Variants in PDCD11 observed in about 807,000 individuals in gnomAD.
The protein encoded by PDCD11 is programmed cell death 11.
A neutral mutation model predicts 198.9 loss-of-function variants in PDCD11; 97 were observed. That is an observed-to-expected ratio of 0.49 (90% confidence interval 0.41 to 0.58). The LOEUF is 0.58. PDCD11 is among the 20% of genes least tolerant of loss of function. The pLI is 0.00. For missense variants in PDCD11, 2,102 were observed against 2,312.7 expected, an observed-to-expected ratio of 0.91 and a Z score of 1.87; for synonymous variants, 893 against 918.0, an observed-to-expected ratio of 0.97 and a Z score of 0.49.
chr10:103,429,483 C>G (rs957970064), intron 21 of PDCD11, among the ~76,000 whole-genome samples: 1 of 152,060 alleles, frequency 6.6e-6, no homozygotes, highest in African/African-American at 2.4e-5. Context: ...AGTCTGAGAT[C>G]AAGGTGTTGA....
intron 15 of PDCD11, 145 bp downstream of exon 15, chr10:103,418,779 A>G (rs1295708023): frequency 2.9e-6 from 2 of 696,766 alleles, no homozygotes; most frequent in Non-Finnish European, 4.7e-6. Context: ...TGCTATGGAA[A>G]GTAAGAGCAG....
At position 103,444,618 on chromosome 10, in the gene PDCD11, C is replaced by T. The variant is rs150527836; in HGVS notation, c.5380C>T (p.Arg1794Cys). 2.4e-5 allele frequency: 38 copies of T among 1,614,056 alleles called. No homozygotes were observed. Among genetic ancestry groups the T allele is most frequent in the Non-Finnish European group, 3.0e-5 (35 of 1,180,030 alleles). ...GAACACGCTGAGCACCTACCCAAAG[C>T]GCACAGATGTCTGGTCGGTCTATAT... ...FENTLSTYPKRTDVWSVYIDM... is the reference protein window; with the variant it reads ...FENTLSTYPKCTDVWSVYIDM... The change falls in exon 35 of 36, where the codon CGC becomes TGC. Residue 1794 changes from arginine (R) to cysteine (C), a missense_variant. Arg to Cys is a radical substitution (Grantham distance 180). Transcript: ENST00000369797.
intron 16 of PDCD11, 147 bp from the exon 17 acceptor site, chr10:103,421,201 G>A (rs1000554748): frequency 4.3e-5 from 27 of 622,790 alleles, no homozygotes; most frequent in Non-Finnish European, 6.6e-5. Context: ...TTTATGGAAG[G>A]GAAGTAGAGC....
At chr10:103,438,613 G>A in intron 26 of PDCD11, 73 bp from the exon 27 acceptor site, 1 of 1,583,388 alleles carries the variant, frequency 6.3e-7, no homozygotes, top group Non-Finnish European at 8.6e-7. Context: ...AAGTATGATG[G>A]TTGCAGGTGT....
intron 2 of PDCD11, among the ~76,000 whole-genome samples, chr10:103,399,418 C>T (rs961121222): frequency 2.0e-5 from 3 of 152,054 alleles, no homozygotes; most frequent in Non-Finnish European, 4.4e-5. Flanking sequence ...CTCTGTTACT[C>T]AGGCTGGACT....
chr10:103,404,087 C>T (rs891691640), intron 4 of PDCD11, among the ~76,000 whole-genome samples: 7 of 151,634 alleles, frequency 4.6e-5, no homozygotes, highest in African/African-American at 1.7e-4. Flanking sequence ...CTCCTGGGTT[C>T]AAGTGATTCT....
At chr10:103,442,053 G>A (rs1208695027) in intron 31 of PDCD11, 78 bp downstream of exon 31, 1 of 1,580,480 alleles carries the variant, frequency 6.3e-7, no homozygotes, top group South Asian at 1.1e-5. Context: ...CCTAGACTGG[G>A]TGTCTTCCTG....
Position 103,443,969 on chromosome 10 carries a change from G to A in PDCD11, c.5179G>A (p.Val1727Met). 3.1e-6 allele frequency: 5 copies of A among 1,614,194 alleles called. No homozygotes were observed. Among genetic ancestry groups the A allele is most frequent in the Non-Finnish European group, 4.2e-6 (5 of 1,180,038 alleles). The change falls in exon 34 of 36, where the codon GTG becomes ATG. Residue 1727 changes from valine (V) to methionine (M), a missense_variant. Physicochemically the swap from Val to Met is conservative, Grantham distance 21. Transcript: ENST00000369797. ...GAAGCGTTTCCGGCAGGAGAAAGCT[G>A]TGTGGATCAAATACGGCGCCTTCCT... ...MLKRFRQEKA[V>M]WIKYGAFLLR...
At chr10:103,418,874 G>C (rs2031267382) in intron 15 of PDCD11, among the ~76,000 whole-genome samples, 1 of 152,162 alleles carries the variant, frequency 6.6e-6, no homozygotes, top group African/African-American at 2.4e-5. Context: ...TCGGAGGCTG[G>C]AGAAGGAGGC....
At chr10:103,423,814 G>A (rs938324887) in intron 19 of PDCD11, among the ~76,000 whole-genome samples, 156 bp downstream of exon 19, 1 of 152,228 alleles carries the variant, frequency 6.6e-6, no homozygotes, top group East Asian at 1.9e-4. Flanking sequence ...TTGTCCTGGT[G>A]TGGTTCATAG....
At chr10:103,404,589 A>G (rs920898004) in intron 4 of PDCD11, among the ~76,000 whole-genome samples, 1 of 152,210 alleles carries the variant, frequency 6.6e-6, no homozygotes, top group Non-Finnish European at 1.5e-5. Flanking sequence ...ATGAGCCACC[A>G]CACCCGACCC....
At chr10:103,399,591 G>A (rs1355712963) in intron 2 of PDCD11, 1 of 152,210 alleles carries the variant, frequency 6.6e-6, no homozygotes, top group Non-Finnish European at 1.5e-5. Context: ...ACCTAGACTA[G>A]GCTGTGCTCC....
intron 8 of PDCD11, among the ~76,000 whole-genome samples, chr10:103,410,864 A>G (rs1271584267): frequency 6.6e-6 from 1 of 151,878 alleles, no homozygotes; most frequent in South Asian, 2.1e-4. Context: ...TCACAAGGTC[A>G]GGAGTTCAAA....
At chr10:103,435,049 C>A in intron 25 of PDCD11, 74 bp downstream of exon 25, 2 of 1,149,398 alleles carry the variant, frequency 1.7e-6, no homozygotes, top group Non-Finnish European at 2.3e-6. Context: ...TGTTGTAATA[C>A]ATGACTTTTT....
rs1019075928 is a variant in PDCD11, at chr10:103,405,029, T to C, written c.410T>C (p.Leu137Pro). Reference sequence around the variant, plus strand: ...CTCATTTGTGTTATGCAGGACCTACTTCACTTGCCTGAACTTTTCTCACCT... The same window carrying C: ...CTCATTTGTGTTATGCAGGACCTACCTCACTTGCCTGAACTTTTCTCACCT... The part of the protein sequence containing the change: ...VTQEQPLKDL[L>P]HLPELFSPGM... Residue 137 changes from leucine to proline, a missense_variant, in exon 5 of 36, where the codon CTT becomes CCT. Transcript: ENST00000369797. 8 of 1,613,880 alleles carry C rather than the reference T, an allele frequency of 5.0e-6. No individual in the cohort carries two copies. Among genetic ancestry groups the C allele is most frequent in the Non-Finnish European group, 5.9e-6 (7 of 1,179,856 alleles).
chr10:103,400,486 C>T lies in PDCD11; in HGVS notation c.192C>T (p.Ser64=). ...TKKLKIEKRE[S]SKSAREKFEI... ...AGTTGAAAATCGAAAAGAGAGAAAG[C>T]AGCAAGTCCGCAAGAGAGAAGTTTG... is the stretch of plus-strand genomic sequence containing the variant. The change falls in exon 3 of 36, where the codon AGC becomes AGT. Residue 64 remains serine, a synonymous_variant. Coordinates refer to ENST00000369797, the MANE Select transcript of PDCD11 (RefSeq NM_014976.2). The T allele has an allele frequency of 6.2e-7, 1 of 1,613,970 alleles. No homozygotes were observed. The highest frequency in any genetic ancestry group is 8.5e-7 in the Non-Finnish European group (1 of 1,179,942).
In PDCD11 at chr10:103,443,900, C is replaced by T. The variant is rs751655411; in HGVS notation, c.5125-15C>T. 38 of 1,613,260 alleles carry T rather than the reference C, an allele frequency of 2.4e-5. No homozygotes were observed. Among genetic ancestry groups the T allele is most frequent in the South Asian group, 6.6e-5 (6 of 90,966 alleles). The stretch of plus-strand genomic sequence containing the variant: ...GTATCACACTCTCCTCAGCGTGCCT[C>T]GTCTTTTCCCACAGGAAGCTGGTGA... On this transcript the variant is annotated splice_polypyrimidine_tract_variant and intron_variant, in intron 33 of 35. Coordinates refer to ENST00000369797, the MANE Select transcript of PDCD11 (RefSeq NM_014976.2).
intron 4 of PDCD11, 73 bp from the exon 5 acceptor site, chr10:103,404,949 G>T: frequency 6.9e-7 from 1 of 1,442,554 alleles, no homozygotes; most frequent in Non-Finnish European, 9.5e-7. Context: ...AAGTCACTGA[G>T]CCAAAGCTGG....
At chr10:103,433,445 C>T (rs1023565487) in intron 22 of PDCD11, among the ~76,000 whole-genome samples, 19 of 151,750 alleles carry the variant, frequency 1.3e-4, no homozygotes, top group African/African-American at 4.4e-4. Flanking sequence ...TGCAGTGAGC[C>T]GAGATTGCCG....
Sources: allele counts gnomAD v4.1 joint callset (sites outside exome capture counted in the v4.1 genomes callset), GRCh38; gene constraint gnomAD v4.1.1; transcripts MANE v1.5; gene names NCBI Gene and HGNC (gene_info 2026-07-23, HGNC 2026-07-21).